EML6: variants seen among roughly 807,000 people sequenced by gnomAD.
The protein encoded by EML6 is echinoderm microtubule-associated protein-like 6.
In EML6, 154 loss-of-function variants were observed where a neutral mutation model predicts 240.1. The observed-to-expected ratio is 0.64, with a 90% CI of 0.56 to 0.73. The LOEUF is 0.73. Ranked by LOEUF, EML6 falls within the 30% of genes least tolerant of loss-of-function variation. EML6 has a pLI of 0.00. For synonymous variants in EML6, 1,148 were observed against 899.0 expected (o/e 1.28, Z -4.95); for missense variants, 2,964 against 2,474.6 (o/e 1.20, Z -4.20).
At chr2:54,969,951 C>G (rs1373304575) in intron 41 of EML6, 120 bp from the exon 42 acceptor site, 10 of 1,045,108 alleles carry the variant, frequency 9.6e-6, no homozygotes, top group East Asian at 5.2e-5. Context: ...CTTTTGAAGT[C>G]AAAATGTTCA....
chr2:54,784,556 C>T (rs908035464), intron 2 of EML6, among the ~76,000 whole-genome samples: 9 of 152,244 alleles, frequency 5.9e-5, no homozygotes, highest in East Asian at 5.8e-4. Context: ...CACCCCCTTG[C>T]GGTGAAAATC....
Position 54,950,788 on chromosome 2 carries a change from G to A in EML6, c.4213+9G>A. 2 of 1,544,914 alleles carry A rather than the reference G, an allele frequency of 1.3e-6. No homozygotes were observed. The highest frequency in any genetic ancestry group is 2.4e-5 in the South Asian group (2 of 82,704). On this transcript the variant is annotated intron_variant, in intron 30 of 41. Transcript: ENST00000356458. Reference sequence around the variant, plus strand: ...TCAGAACCTCTCCACAGGTAACCGGGGGTTAAAAAATACAGGTTTTTCTTT... The same window carrying A: ...TCAGAACCTCTCCACAGGTAACCGGAGGTTAAAAAATACAGGTTTTTCTTT...
At chr2:54,927,733 T>C (rs1421611147) in intron 26 of EML6, among the ~76,000 whole-genome samples, 2 of 152,232 alleles carry the variant, frequency 1.3e-5, no homozygotes. Context: ...GGGTTGTATG[T>C]ATTTGGCTAT....
At chr2:54,827,048 C>G (rs77895441) in intron 5 of EML6, among the ~76,000 whole-genome samples, 6,693 of 152,138 alleles carry the variant, frequency 0.044, 501 homozygotes, top group African/African-American at 0.15. Context: ...TGGTGCACTC[C>G]TATAATCTCA....
In EML6 at chr2:54,948,967, T is replaced by TA; in HGVS notation, c.4083+10dup. Reference sequence around the variant, plus strand: ...AAAAAAGAAACTGGTTGAGGTGAGTTAAACAATCACTTGTAGTCTGATATT... The same window carrying TA: ...AAAAAAGAAACTGGTTGAGGTGAGTTAAAACAATCACTTGTAGTCTGATATT... On this transcript the variant is annotated splice_region_variant and intron_variant, in intron 29 of 41. Transcript: ENST00000356458. The TA allele has an allele frequency of 6.5e-7, 1 of 1,541,944 alleles. No homozygotes were observed. Among genetic ancestry groups the TA allele is most frequent in the South Asian group, 1.2e-5 (1 of 83,882 alleles).
intron 32 of EML6, among the ~76,000 whole-genome samples, chr2:54,954,457 C>A (rs1306489952): frequency 6.6e-6 from 1 of 152,202 alleles, no homozygotes; most frequent in Non-Finnish European, 1.5e-5. Flanking sequence ...GCCTCCCCGA[C>A]ATCTGTCTTA....
intron 2 of EML6, 24 bp from the exon 3 acceptor site, chr2:54,813,208 G>T: frequency 6.6e-7 from 1 of 1,522,064 alleles, no homozygotes; most frequent in Non-Finnish European, 8.8e-7. Context: ...TGGAAGATGT[G>T]AAAAGAAACC....
At chr2:54,925,198 C>T (rs549974651) in intron 26 of EML6, among the ~76,000 whole-genome samples, 23 of 152,134 alleles carry the variant, frequency 1.5e-4, no homozygotes, top group Non-Finnish European at 2.6e-4. Context: ...ACACACACAC[C>T]GCCCGCTCTT....
intron 7 of EML6, among the ~76,000 whole-genome samples, chr2:54,843,128 T>C (rs1417322172): frequency 1.3e-5 from 2 of 152,248 alleles, no homozygotes; most frequent in Non-Finnish European, 2.9e-5. Flanking sequence ...ATAGCAAATC[T>C]GAAGGAAATT....
At chr2:54,779,877 A>T (rs893916159) in intron 2 of EML6, among the ~76,000 whole-genome samples, 4 of 151,276 alleles carry the variant, frequency 2.6e-5, no homozygotes, top group South Asian at 2.1e-4. Flanking sequence ...AAAAAAAAAA[A>T]AAAAGAATAT....
chr2:54,920,831 C>G (rs930930344), intron 26 of EML6, among the ~76,000 whole-genome samples: 1 of 151,960 alleles, frequency 6.6e-6, no homozygotes, highest in Non-Finnish European at 1.5e-5. Context: ...GAATGTGTTC[C>G]TGGGATGCAA....
chr2:54,935,262 T>C (rs920771417), intron 28 of EML6, among the ~76,000 whole-genome samples: 1 of 152,210 alleles, frequency 6.6e-6, no homozygotes, highest in African/African-American at 2.4e-5. Flanking sequence ...GTTCCTGTCC[T>C]GTGAATGGCG....
chr2:54,867,656 T>G (rs930439276), intron 14 of EML6: 1 of 152,328 alleles, frequency 6.6e-6, no homozygotes, highest in Non-Finnish European at 1.5e-5. Context: ...AAGTTGAGGT[T>G]GGGGAATCAC....
intron 2 of EML6, among the ~76,000 whole-genome samples, chr2:54,744,678 G>A (rs1183462396): frequency 6.6e-6 from 1 of 151,896 alleles, no homozygotes; most frequent in East Asian, 1.9e-4. Flanking sequence ...TGACTAGGAA[G>A]TTGTGGGTCA....
intron 2 of EML6, among the ~76,000 whole-genome samples, chr2:54,726,634 C>G (rs2104360404): frequency 6.6e-6 from 1 of 152,190 alleles, no homozygotes; most frequent in East Asian, 1.9e-4. Context: ...TTTTTCTTCC[C>G]TCCCTAACAT....
At position 54,863,775 on chromosome 2, in the gene EML6, C is replaced by T. The variant is rs780962493; in HGVS notation, c.1826-8C>T. On this transcript the variant is annotated splice_polypyrimidine_tract_variant and splice_region_variant and intron_variant, in intron 12 of 41. Coordinates refer to ENST00000356458, the MANE Select transcript of EML6 (RefSeq NM_001039753.4). ...TTTGCTTGTTTCTTGTGGGTTGTATCTCTGCAGAAGGTGGAGCTGATTCCT... is the reference window on the plus strand; with the variant it reads ...TTTGCTTGTTTCTTGTGGGTTGTATTTCTGCAGAAGGTGGAGCTGATTCCT... The T allele has an allele frequency of 1.3e-6, 2 of 1,484,866 alleles. No homozygotes were observed. The highest frequency in any genetic ancestry group is 1.8e-6 in the Non-Finnish European group (2 of 1,090,138). 92.0% of individuals were successfully genotyped at this position (1,484,866 alleles called of 1,614,324 possible). A position where few individuals can be genotyped will look rare whatever the true frequency, so the allele number is the denominator to read the frequency against.
At chr2:54,917,881 G>A (rs1010788865) in intron 26 of EML6, among the ~76,000 whole-genome samples, 1 of 152,038 alleles carries the variant, frequency 6.6e-6, no homozygotes, top group Non-Finnish European at 1.5e-5. Context: ...TCCTTCAACT[G>A]TCTAGTCTAG....
At chr2:54,831,541 G>A (rs1424084487) in intron 7 of EML6, among the ~76,000 whole-genome samples, 4 of 151,980 alleles carry the variant, frequency 2.6e-5, no homozygotes, top group Admixed American at 2.0e-4. Context: ...TCAGATTCCC[G>A]CCCCATCCTT....
At chr2:54,852,212 C>T (rs992586697) in intron 10 of EML6, among the ~76,000 whole-genome samples, 13 of 152,098 alleles carry the variant, frequency 8.5e-5, no homozygotes, top group African/African-American at 2.4e-4. Flanking sequence ...TGTGACCCCA[C>T]CATAACTTTT....
Sources: allele counts gnomAD v4.1 joint callset (sites outside exome capture counted in the v4.1 genomes callset), GRCh38; gene constraint gnomAD v4.1.1; transcripts MANE v1.5; gene names NCBI Gene and HGNC (gene_info 2026-07-23, HGNC 2026-07-21).